ZNF525: variants seen among roughly 807,000 people sequenced by gnomAD.
ZNF525 encodes the protein zinc finger protein 525.
A neutral mutation model predicts 37.6 loss-of-function variants in ZNF525; 33 were observed. The observed-to-expected ratio is 0.88, with a 90% confidence interval of 0.67 to 1.17. The LOEUF (loss-of-function observed/expected upper bound fraction) is 1.17. Among genes scored for constraint, ZNF525 ranks in the 50% most tolerant of loss-of-function variants. The pLI is 0.00. For synonymous variants in ZNF525, 170 were observed against 182.3 expected, an observed-to-expected ratio of 0.93 and a Z score of 0.54; for missense variants, 449 against 543.1, an observed-to-expected ratio of 0.83 and a Z score of 1.72.
intron 3 of ZNF525, among the ~76,000 whole-genome samples, chr19:53,376,908 T>G (rs1366988391): frequency 6.6e-6 from 1 of 152,162 alleles, no homozygotes; most frequent in African/African-American, 2.4e-5. Flanking sequence ...AGGTGGAGGT[T>G]GTGGTGACCT....
rs771300523 is a variant in ZNF525, at chr19:53,381,601, A to C, written c.1022A>C (p.Tyr341Ser). Residue 341 changes from tyrosine (Y) to serine (S), a missense_variant, in exon 4 of 4, where the codon TAC becomes TCC. By Grantham distance (144) the Tyr-to-Ser change is moderately radical (BLOSUM62 -2). Transcript: ENST00000474037. ...ECGKTFSQKS[Y>S]LACHRSIHTG... ...GGCAAGACCTTTAGTCAGAAGTCAT[A>C]CCTTGCATGCCATCGTAGCATTCAT... 13 of 1,105,976 alleles carry C rather than the reference A, an allele frequency of 1.2e-5. No individual in the cohort carries two copies. In the East Asian group the frequency reaches 2.6e-4, roughly 22 times the overall value. The allele number at this position is 1,105,976 out of a possible 1,614,324, so 68.5% of individuals were successfully genotyped here.
intron 1 of ZNF525, among the ~76,000 whole-genome samples, chr19:53,371,880 C>A (rs1049273741): frequency 1.3e-5 from 2 of 152,150 alleles, no homozygotes; most frequent in African/African-American, 4.8e-5. Context: ...AACTCCTGAG[C>A]TCAAGCGATC....
At chr19:53,375,956 T>A in intron 3 of ZNF525, 60 bp downstream of exon 3, 1 of 1,610,510 alleles carries the variant, frequency 6.2e-7, no homozygotes, top group Non-Finnish European at 8.5e-7. Flanking sequence ...GTATTTTCTC[T>A]TTTTTTAGAT....
intron 1 of ZNF525, among the ~76,000 whole-genome samples, chr19:53,367,833 C>T (rs1170254176): frequency 6.6e-6 from 1 of 152,174 alleles, no homozygotes; most frequent in Admixed American, 6.5e-5. Flanking sequence ...TTCTCATTTT[C>T]ATGGCTTACT....
In ZNF525 at chr19:53,383,209, G is replaced by C; in HGVS notation, c.*1190G>C. The C allele has an allele frequency of 7.1e-7, 1 of 1,406,650 alleles. No individual in the cohort carries two copies. The highest frequency in any genetic ancestry group is 9.8e-7 in the Non-Finnish European group (1 of 1,016,864). The allele number at this position is 1,406,650 out of a possible 1,614,324, so 87.1% of individuals were successfully genotyped here. A position where few individuals can be genotyped will look rare whatever the true frequency, so the allele number is the denominator to read the frequency against. ...ACAATTCAGTCCTTGTAATTCATAAGACAATTCACACTGGGGAGAAACCTT... is the reference window on the plus strand; with the variant it reads ...ACAATTCAGTCCTTGTAATTCATAACACAATTCACACTGGGGAGAAACCTT... On this transcript the variant is annotated 3_prime_UTR_variant, in exon 4 of 4. Transcript: ENST00000474037.
At position 53,379,959 on chromosome 19, in the gene ZNF525, G is replaced by C. The variant is rs530401636; in HGVS notation, c.143-763G>C. On this transcript the variant is annotated intron_variant, in intron 3 of 3. Coordinates refer to ENST00000474037, the MANE Select transcript of ZNF525 (RefSeq NM_001348156.2). Reference sequence around the variant, plus strand: ...GGAGGTTGCAGTGAGCTGAGATCAGGCCATTGCCCTCCAGCCTGTTGTGAC... The same window carrying C: ...GGAGGTTGCAGTGAGCTGAGATCAGCCCATTGCCCTCCAGCCTGTTGTGAC... Among the ~76,000 whole-genome samples, 11 of 152,184 alleles carry C rather than the reference G, an allele frequency of 7.2e-5. No individual in the cohort carries two copies. In the South Asian group the frequency reaches 2.3e-3, roughly 32 times the overall value.
intron 3 of ZNF525, among the ~76,000 whole-genome samples, chr19:53,380,035 G>A (rs2147072348): frequency 6.6e-6 from 1 of 151,938 alleles, no homozygotes; most frequent in East Asian, 1.9e-4. Context: ...AATTTTAAAT[G>A]TTACAATATG....
At chr19:53,366,774 T>A (rs2147061233) in intron 1 of ZNF525, among the ~76,000 whole-genome samples, 1 of 143,222 alleles carries the variant, frequency 7.0e-6, no homozygotes, top group African/African-American at 2.7e-5. Context: ...CACCTGGGGA[T>A]CTGGGGTGCC....
chr19:53,380,843 G>C lies in ZNF525; in HGVS notation c.264G>C (p.Gln88His). Residue 88 changes from glutamine (Q) to histidine (H), a missense_variant, in exon 4 of 4, where the codon CAG becomes CAC. Physicochemically the swap from Gln to His is conservative, Grantham distance 24. Transcript: ENST00000474037. ...ERHHIGDFSF[Q>H]EIEKDIHNFE... ...ATCACATTGGAGATTTTTCCTTCCA[G>C]GAAATTGAGAAAGATATTCATAACT... 1.4e-6 allele frequency: 2 copies of C among 1,451,520 alleles called. No individual in the cohort carries two copies. Among genetic ancestry groups the C allele is most frequent in the South Asian group, 1.1e-5 (1 of 87,602 alleles). 89.9% of individuals were successfully genotyped at this position (1,451,520 alleles called of 1,614,324 possible). A position where few individuals can be genotyped will look rare whatever the true frequency, so the allele number is the denominator to read the frequency against.
rs57431960 is a variant in ZNF525, at chr19:53,369,715, CTTTTTT to C, written c.-67-2476_-67-2471del. On this transcript the variant is annotated intron_variant, in intron 1 of 3. Coordinates refer to ENST00000474037, the MANE Select transcript of ZNF525 (RefSeq NM_001348156.2). ...CAACAGAACCTTGCAAAAGAAGTTT[CTTTTTT>C]TTTTTTTTTTTTTTTTTTTTTTTGA... 2.3e-4 allele frequency among the ~76,000 whole-genome samples: 19 copies of C among 81,194 alleles called. 1 individual carries two copies. Among genetic ancestry groups the C allele is most frequent in the African/African-American group, 1.0e-3 (16 of 15,740 alleles). The allele number at this position is 81,194 out of a possible 152,430, so 53.3% of individuals were successfully genotyped here. A position where few individuals can be genotyped will look rare whatever the true frequency, so the allele number is the denominator to read the frequency against.
chr19:53,374,256 G>A, intron 2 of ZNF525, among the ~76,000 whole-genome samples: 1 of 152,064 alleles, frequency 6.6e-6, no homozygotes, highest in East Asian at 1.9e-4. Flanking sequence ...AGTGTGTTTT[G>A]TTTTCTTCTT....
chr19:53,383,631 G>A lies in ZNF525; in HGVS notation c.*1612G>A, dbSNP rs1269359973. The A allele has an allele frequency of 2.0e-5, 24 of 1,202,742 alleles. 1 individual carries two copies. The highest frequency in any genetic ancestry group is 4.2e-4 in the Middle Eastern group (2 of 4,712). 74.5% of individuals were successfully genotyped at this position (1,202,742 alleles called of 1,614,324 possible). A position where few individuals can be genotyped will look rare whatever the true frequency, so the allele number is the denominator to read the frequency against. ...ACACTTATTCACCATCAGGCAATCC[G>A]TAGTGTAGGGAAACTTGACTAACGT... On this transcript the variant is annotated 3_prime_UTR_variant, in exon 4 of 4. Transcript: ENST00000474037.
chr19:53,371,827 T>A (rs899470034), intron 1 of ZNF525, among the ~76,000 whole-genome samples: 10 of 152,144 alleles, frequency 6.6e-5, no homozygotes, highest in African/African-American at 2.2e-4. Context: ...TTTTATATTT[T>A]TGGTAGAGAT....
In ZNF525 at chr19:53,383,071, G is replaced by T. The variant is rs1405801660; in HGVS notation, c.*1052G>T. Reference sequence around the variant, plus strand: ...TTCATACTGGAGAGAACGCTTGCAAGTGTAATAAATGTGGCGAGGTTTTTA... The same window carrying T: ...TTCATACTGGAGAGAACGCTTGCAATTGTAATAAATGTGGCGAGGTTTTTA... On this transcript the variant is annotated 3_prime_UTR_variant, in exon 4 of 4. Transcript: ENST00000474037. 7.0e-7 allele frequency: 1 copy of T among 1,419,406 alleles called. No individual in the cohort carries two copies. Among genetic ancestry groups the T allele is most frequent in the African/African-American group, 1.4e-5 (1 of 70,642 alleles). The allele number at this position is 1,419,406 out of a possible 1,614,324, so 87.9% of individuals were successfully genotyped here.
intron 2 of ZNF525, 30 bp from the exon 3 acceptor site, chr19:53,375,740 C>T: frequency 6.2e-7 from 1 of 1,613,682 alleles, no homozygotes; most frequent in Non-Finnish European, 8.5e-7. Flanking sequence ...CCTCCCATAA[C>T]CATTTGGTTA....
chr19:53,379,446 C>T lies in ZNF525; in HGVS notation c.143-1276C>T, dbSNP rs572659688. ...TGAATTCTTATTCATTATAATGCTG[C>T]ATATTTTTTTGACCTCATACATCAG... On this transcript the variant is annotated intron_variant, in intron 3 of 3. Transcript: ENST00000474037. The T allele has an allele frequency of 3.9e-5, 6 of 152,272 alleles. No homozygotes were observed. The East Asian group carries it at 1.2e-3, about 29-fold the overall frequency. The allele number at this position is 152,272 out of a possible 1,614,324, so 9.4% of individuals were successfully genotyped here.
At chr19:53,370,184 G>T (rs1600012016) in intron 1 of ZNF525, among the ~76,000 whole-genome samples, 1 of 150,372 alleles carries the variant, frequency 6.7e-6, no homozygotes, top group Admixed American at 6.6e-5. Flanking sequence ...ACTTTGGGAG[G>T]CTGAGGCGGG....
chr19:53,366,488 C>G (rs190468563), intron 1 of ZNF525, among the ~76,000 whole-genome samples: 13 of 143,336 alleles, frequency 9.1e-5, no homozygotes, highest in South Asian at 8.7e-4. Context: ...AGGCCCATAA[C>G]AGATGGCAAA....
intron 2 of ZNF525, 159 bp downstream of exon 2, chr19:53,372,455 C>G: frequency 1.3e-6 from 1 of 747,126 alleles, no homozygotes. Context: ...TAGATTTTAT[C>G]TCTTGTGGCT....
Sources: gnomAD v4.1 joint callset for allele counts (sites outside exome capture counted in the v4.1 genomes callset) on GRCh38, gnomAD v4.1.1 for gene constraint, MANE v1.5 for transcripts, NCBI Gene and HGNC (gene_info 2026-07-23, HGNC 2026-07-21) for gene names.